Variants in HORMAD1 observed in about 807,000 individuals in gnomAD.
The protein encoded by HORMAD1 is HORMA domain-containing protein 1.
A neutral mutation model predicts 58.2 loss-of-function variants in HORMAD1; 33 were observed. That is an observed-to-expected ratio of 0.57 (90% confidence interval 0.43 to 0.76). HORMAD1 has a LOEUF of 0.76. Ranked by LOEUF, HORMAD1 falls within the 30% of genes least tolerant of loss-of-function variation. The pLI is 0.00. For synonymous variants in HORMAD1, 137 were observed against 144.6 expected (o/e 0.95, Z 0.38); for missense variants, 363 against 462.0 (o/e 0.79, Z 1.96).
chr1:150,710,402 T>C (rs1651839162), intron 7 of HORMAD1, among the ~76,000 whole-genome samples: 1 of 152,204 alleles, frequency 6.6e-6, no homozygotes, highest in Admixed American at 6.5e-5. Context: ...ATCTCATTGA[T>C]AGTTGTGAAT....
At chr1:150,714,199 A>T in intron 4 of HORMAD1, 78 bp from the exon 5 acceptor site, 2 of 867,248 alleles carry the variant, frequency 2.3e-6, no homozygotes, top group Non-Finnish European at 3.7e-6. Context: ...TTTCCATATT[A>T]TCTCATTACT....
In HORMAD1 at chr1:150,706,825, T is replaced by A; in HGVS notation, c.548-16A>T. 4.4e-6 allele frequency: 7 copies of A among 1,590,196 alleles called. No homozygotes were observed. Among genetic ancestry groups the A allele is most frequent in the Non-Finnish European group, 6.0e-6 (7 of 1,168,878 alleles). On this transcript the variant is annotated splice_polypyrimidine_tract_variant and intron_variant, in intron 9 of 14. Coordinates refer to ENST00000361824, the MANE Select transcript of HORMAD1 (RefSeq NM_032132.5). ...GGGGGTGTAACTGCAAAAAAGTAAG[T>A]GTAAACTGTGCTGTTCATGAAATTA...
At chr1:150,700,091 A>G in intron 14 of HORMAD1, 21 bp downstream of exon 14, 1 of 1,177,360 alleles carries the variant, frequency 8.5e-7, no homozygotes. Flanking sequence ...TATTCAAACT[A>G]TACATTATCA....
chr1:150,718,344 A>ATTTTTT (rs34258924), intron 2 of HORMAD1, among the ~76,000 whole-genome samples: 2 of 125,862 alleles, frequency 1.6e-5, no homozygotes, highest in Admixed American at 8.7e-5. Flanking sequence ...TGCCTGGCTA[A>ATTTTTT]TTTTTTTTTT....
At position 150,706,539 on chromosome 1, in the gene HORMAD1, T is replaced by C. The variant is rs1174983263; in HGVS notation, c.804+14A>G. On this transcript the variant is annotated intron_variant, in intron 10 of 14. Coordinates refer to ENST00000361824, the MANE Select transcript of HORMAD1 (RefSeq NM_032132.5). ...TGTTATTATTGTTCTTTATAACTCT[T>C]GAAATACACTTACACTTGTATAATG... 1 of 1,577,454 alleles carries C rather than the reference T, an allele frequency of 6.3e-7. No homozygotes were observed. The highest frequency in any genetic ancestry group is 1.4e-5 in the African/African-American group (1 of 73,592).
At chr1:150,720,646 C>A (rs1462720001) in intron 1 of HORMAD1, among the ~76,000 whole-genome samples, 158 bp downstream of exon 1, 1 of 152,210 alleles carries the variant, frequency 6.6e-6, no homozygotes, top group Non-Finnish European at 1.5e-5. Flanking sequence ...ATCTCAAGAA[C>A]CTCTGTTGAC....
At chr1:150,717,518 T>TA in intron 2 of HORMAD1, among the ~76,000 whole-genome samples, 1 of 152,066 alleles carries the variant, frequency 6.6e-6, no homozygotes, top group South Asian at 2.1e-4. Context: ...ATTTTTTTTT[T>TA]TTATTTTTAA....
chr1:150,708,110 T>A (rs951201657), intron 9 of HORMAD1, 146 bp downstream of exon 9: 1 of 552,254 alleles, frequency 1.8e-6, no homozygotes, highest in African/African-American at 1.9e-5. Flanking sequence ...ATTTTGTAAA[T>A]CTTTCTTTCT....
At chr1:150,717,655 G>A (rs921611984) in intron 2 of HORMAD1, among the ~76,000 whole-genome samples, 10 of 152,118 alleles carry the variant, frequency 6.6e-5, no homozygotes, top group Admixed American at 2.0e-4. Flanking sequence ...AGTATAGGCC[G>A]GGTGCAGTGG....
At chr1:150,706,414 C>T (rs984874110) in intron 10 of HORMAD1, 139 bp downstream of exon 10, 2 of 750,636 alleles carry the variant, frequency 2.7e-6, no homozygotes, top group Non-Finnish European at 4.2e-6. Context: ...TAGGCCTAGA[C>T]TTTAAGGTCC....
In HORMAD1 at chr1:150,699,564, C is replaced by T. The variant is rs587648106; in HGVS notation, c.1104+548G>A. On this transcript the variant is annotated intron_variant, in intron 14 of 14. Coordinates refer to ENST00000361824, the MANE Select transcript of HORMAD1 (RefSeq NM_032132.5). The stretch of plus-strand genomic sequence containing the variant: ...TTTTAAAGACGGAGTCTTGGTCTGT[C>T]GCCAGGCTGTAGTACAGTGGCGCGA... Among the ~76,000 whole-genome samples the T allele has an allele frequency of 4.6e-5, 7 of 151,024 alleles. No individual in the cohort carries two copies. In the East Asian group the frequency reaches 1.4e-3, roughly 29 times the overall value.
intron 10 of HORMAD1, among the ~76,000 whole-genome samples, chr1:150,704,702 C>T (rs1651637950): frequency 6.6e-6 from 1 of 152,096 alleles, no homozygotes; most frequent in Non-Finnish European, 1.5e-5. Flanking sequence ...TCCCACTGCG[C>T]TCCAGCCTGG....
At chr1:150,719,817 C>T (rs1652191974) in intron 1 of HORMAD1, among the ~76,000 whole-genome samples, 5 of 152,086 alleles carry the variant, frequency 3.3e-5, no homozygotes. Context: ...ATTTTTATTC[C>T]CTATACAAAT....
At chr1:150,709,627 G>A (rs1651803358) in intron 7 of HORMAD1, among the ~76,000 whole-genome samples, 1 of 151,684 alleles carries the variant, frequency 6.6e-6, no homozygotes, top group Admixed American at 6.6e-5. Context: ...CCCCCAGCCC[G>A]ACACCCATAA....
At chr1:150,706,028 G>A (rs1393741027) in intron 10 of HORMAD1, among the ~76,000 whole-genome samples, 12 of 152,118 alleles carry the variant, frequency 7.9e-5, no homozygotes, top group Non-Finnish European at 2.9e-5. Context: ...TACTTAGGAC[G>A]CACTAACTAG....
intron 2 of HORMAD1, among the ~76,000 whole-genome samples, chr1:150,718,567 G>A (rs982628818): frequency 3.3e-5 from 5 of 152,080 alleles, no homozygotes; most frequent in African/African-American, 9.7e-5. Context: ...CAGAGGTTAA[G>A]TGTAATGCAA....
chr1:150,712,221 G>A (rs1051101830), intron 5 of HORMAD1, among the ~76,000 whole-genome samples: 17 of 152,150 alleles, frequency 1.1e-4, no homozygotes, highest in African/African-American at 3.6e-4. Flanking sequence ...AAAAAGCAGA[G>A]TTCAGGGCCC....
At chr1:150,714,841 G>A (rs909453771) in intron 3 of HORMAD1, among the ~76,000 whole-genome samples, 163 bp from the exon 4 acceptor site, 4 of 151,896 alleles carry the variant, frequency 2.6e-5, no homozygotes, top group Non-Finnish European at 5.9e-5. Flanking sequence ...GATGGAGTGC[G>A]GTGACATGAT....
Position 150,698,467 on chromosome 1 carries a change from T to G in HORMAD1, c.*187A>C, listed in dbSNP as rs56078201. 2 of 389,748 alleles carry G rather than the reference T, an allele frequency of 5.1e-6. No individual in the cohort carries two copies. Among genetic ancestry groups the G allele is most frequent in the Non-Finnish European group, 9.3e-6 (2 of 215,644 alleles). 24.1% of individuals were successfully genotyped at this position (389,748 alleles called of 1,614,324 possible). ...ATGACATTTGTACTTTTGCTTTTAT[T>G]CAAAAGTTCTATTGGATTTATCTCA... On this transcript the variant is annotated 3_prime_UTR_variant, in exon 15 of 15. Transcript: ENST00000361824.
Sources: gnomAD v4.1 joint callset for allele counts (sites outside exome capture counted in the v4.1 genomes callset) on GRCh38, gnomAD v4.1.1 for gene constraint, MANE v1.5 for transcripts, NCBI Gene and HGNC (gene_info 2026-07-23, HGNC 2026-07-21) for gene names.